ROBO1: variants seen among roughly 807,000 people sequenced by gnomAD.
ROBO1 encodes roundabout homolog 1.
A neutral mutation model predicts 195.9 loss-of-function variants in ROBO1; 149 were observed. The ratio of observed to expected loss-of-function variants is 0.76; its 90% CI spans 0.67 to 0.87. The LOEUF (loss-of-function observed/expected upper bound fraction) is 0.87, where lower values mean the gene tolerates loss of function less well. ROBO1 is among the 40% of genes least tolerant of loss of function. The pLI, the probability that ROBO1 is intolerant of heterozygous loss-of-function variation, is 0.00. For missense variants in ROBO1, 1,933 were observed against 2,068.3 expected, an observed-to-expected ratio of 0.93 and a Z score of 1.27; for synonymous variants, 816 against 733.2, an observed-to-expected ratio of 1.11 and a Z score of -1.82.
At chr3:78,728,187 A>G (rs1484664316) in intron 5 of ROBO1, among the ~76,000 whole-genome samples, 1 of 152,074 alleles carries the variant, frequency 6.6e-6, no homozygotes, top group Non-Finnish European at 1.5e-5. Flanking sequence ...GAGCCCTAAA[A>G]GAGAGAGAAA....
At chr3:79,123,283 A>G (rs76942947) in intron 3 of ROBO1, among the ~76,000 whole-genome samples, 1 of 151,976 alleles carries the variant, frequency 6.6e-6, no homozygotes, top group East Asian at 1.9e-4. Flanking sequence ...CTATCTACTC[A>G]ATTATCTGTG....
intron 3 of ROBO1, among the ~76,000 whole-genome samples, chr3:78,968,658 A>T (rs2076700149): frequency 1.3e-5 from 2 of 152,120 alleles, no homozygotes; most frequent in Admixed American, 1.3e-4. Context: ...AATTTGGCCA[A>T]ATTTCACTCA....
chr3:78,705,978 C>T (rs1198013111), intron 8 of ROBO1, among the ~76,000 whole-genome samples: 3 of 151,950 alleles, frequency 2.0e-5, no homozygotes, highest in Non-Finnish European at 1.5e-5. Context: ...CTCTGGAGGA[C>T]CCTAACTAAA....
intron 2 of ROBO1, among the ~76,000 whole-genome samples, chr3:79,577,160 T>C (rs774323978): frequency 2.0e-5 from 3 of 152,204 alleles, no homozygotes; most frequent in Non-Finnish European, 2.9e-5. Context: ...AAAAATGTTA[T>C]TTGTAATGTT....
chr3:79,418,258 T>A (rs2038087334), intron 2 of ROBO1, among the ~76,000 whole-genome samples: 2 of 152,180 alleles, frequency 1.3e-5, no homozygotes, highest in South Asian at 2.1e-4. Flanking sequence ...TTAGAAGTCT[T>A]CCATTGATTG....
At chr3:79,493,412 T>A (rs1939570197) in intron 2 of ROBO1, among the ~76,000 whole-genome samples, 1 of 152,022 alleles carries the variant, frequency 6.6e-6, no homozygotes, top group African/African-American at 2.4e-5. Flanking sequence ...AAATGATTCA[T>A]TTATTTAACA....
chr3:79,533,928 A>G (rs1182653982), intron 2 of ROBO1, among the ~76,000 whole-genome samples: 2 of 152,202 alleles, frequency 1.3e-5, no homozygotes, highest in Non-Finnish European at 2.9e-5. Flanking sequence ...TTAATGTAGC[A>G]GATGAAATTA....
chr3:78,894,749 T>G (rs547679328), intron 4 of ROBO1, among the ~76,000 whole-genome samples: 24 of 152,330 alleles, frequency 1.6e-4, no homozygotes, highest in African/African-American at 5.3e-4. Flanking sequence ...CTGCCATATG[T>G]GGCTGCAGGA....
chr3:79,645,325 G>C (rs542191768), intron 1 of ROBO1, among the ~76,000 whole-genome samples: 1 of 151,652 alleles, frequency 6.6e-6, no homozygotes, highest in Admixed American at 6.6e-5. Context: ...AACGTCACAA[G>C]GCCTCATCTC....
At chr3:79,146,526 T>C (rs987824013) in intron 2 of ROBO1, among the ~76,000 whole-genome samples, 2 of 151,936 alleles carry the variant, frequency 1.3e-5, no homozygotes, top group African/African-American at 4.8e-5. Context: ...CATGTATACA[T>C]GTGTGTCTGT....
chr3:79,737,562 A>T (rs987400905), intron 1 of ROBO1, among the ~76,000 whole-genome samples: 8 of 152,338 alleles, frequency 5.3e-5, no homozygotes, highest in Non-Finnish European at 1.2e-4. Flanking sequence ...ATCAGAAGGC[A>T]GAGAGGCAAA....
At chr3:79,010,064 T>G (rs1356983599) in intron 3 of ROBO1, among the ~76,000 whole-genome samples, 4 of 152,094 alleles carry the variant, frequency 2.6e-5, no homozygotes, top group African/African-American at 9.7e-5. Context: ...TGGGTTATCA[T>G]GTGACAAAGA....
At chr3:79,039,781 T>A in intron 3 of ROBO1, among the ~76,000 whole-genome samples, 1 of 81,544 alleles carries the variant, frequency 1.2e-5, no homozygotes, top group East Asian at 4.0e-4. Context: ...CAGCCTGGGC[T>A]ACAAAGCAAG....
chr3:78,663,576 C>T (rs79934835), intron 14 of ROBO1, among the ~76,000 whole-genome samples: 3,079 of 152,196 alleles, frequency 0.02, 103 homozygotes, highest in African/African-American at 0.069. Context: ...CACCCCACCT[C>T]GGCAACTTAA....
chr3:78,865,309 T>C (rs1173618334), intron 4 of ROBO1, among the ~76,000 whole-genome samples: 2 of 152,220 alleles, frequency 1.3e-5, no homozygotes, highest in African/African-American at 2.4e-5. Flanking sequence ...GTGAAAATGC[T>C]ACATTGTTTT....
chr3:79,598,101 C>T (rs1440800116), intron 1 of ROBO1, among the ~76,000 whole-genome samples: 1 of 152,018 alleles, frequency 6.6e-6, no homozygotes, highest in Non-Finnish European at 1.5e-5. Flanking sequence ...TAGTGATAAA[C>T]CTCAGGCTGT....
At chr3:79,206,778 A>G (rs1302507827) in intron 2 of ROBO1, among the ~76,000 whole-genome samples, 7 of 152,210 alleles carry the variant, frequency 4.6e-5, no homozygotes, top group Admixed American at 3.9e-4. Context: ...CTTGAAAGAA[A>G]AGGCAGTCTT....
chr3:79,443,244 G>C lies in ROBO1; in HGVS notation c.88+146580C>G, dbSNP rs4524244. Among the ~76,000 whole-genome samples, 451 of 152,048 alleles carry C rather than the reference G, an allele frequency of 3.0e-3. 3 individuals carry two copies. The highest frequency in any genetic ancestry group is 9.5e-3 in the African/African-American group (394 of 41,518). On this transcript the variant is annotated intron_variant, in intron 2 of 30. Coordinates refer to ENST00000464233, the MANE Select transcript of ROBO1 (RefSeq NM_002941.4). The stretch of plus-strand genomic sequence containing the variant: ...CCACTTGAAAAATGAAAGCAACCAA[G>C]GGATAAGCCTTGAACTTTGCAATAT...
chr3:79,505,386 T>TCA lies in ROBO1; in HGVS notation c.88+84437_88+84438insTG, dbSNP rs765844207. Among the ~76,000 whole-genome samples, 168 of 152,182 alleles carry TCA rather than the reference T, an allele frequency of 1.1e-3. 2 individuals carry two copies. In the East Asian group the frequency reaches 0.022, roughly 20 times the overall value. ...AAATTGCCAAATTGCGACAATGATA[T>TCA]AAGAAAGACACAGCTTAGATCGAAC... On this transcript the variant is annotated intron_variant, in intron 2 of 30. Coordinates refer to ENST00000464233, the MANE Select transcript of ROBO1 (RefSeq NM_002941.4).
Sources: allele counts gnomAD v4.1 joint callset (sites outside exome capture counted in the v4.1 genomes callset), GRCh38; gene constraint gnomAD v4.1.1; transcripts MANE v1.5; gene names NCBI Gene and HGNC (gene_info 2026-07-23, HGNC 2026-07-21).